CAMTA1: variants seen among roughly 807,000 people sequenced by gnomAD.
CAMTA1 encodes calmodulin binding transcription activator 1, also known as calmodulin-binding transcription activator 1.
In CAMTA1, 27 loss-of-function variants were observed where a neutral mutation model predicts 170.9. The ratio of observed to expected loss-of-function variants is 0.16; its 90% confidence interval spans 0.12 to 0.22. CAMTA1 has a LOEUF of 0.22. Among genes scored for constraint, CAMTA1 ranks in the 10% least tolerant of loss-of-function variants. The probability of loss-of-function intolerance (pLI) is 1.00; values close to 1 mark genes in which losing one functional copy is unlikely to be tolerated. For synonymous variants in CAMTA1, 833 were observed against 891.5 expected, an observed-to-expected ratio of 0.93 and a Z score of 1.17; for missense variants, 1,619 against 2,217.2, an observed-to-expected ratio of 0.73 and a Z score of 5.42.
At position 7,044,702 on chromosome 1, in the gene CAMTA1, CGAG is replaced by C. The variant is rs146173818; in HGVS notation, c.235-46597_235-46595del. Among the ~76,000 whole-genome samples the C allele has an allele frequency of 0.14, 21,275 of 151,912 alleles. 2,009 individuals carry two copies. Among genetic ancestry groups the C allele is most frequent in the African/African-American group, 0.27 (11,239 of 41,352 alleles). ...TCCCTCCCCTCTCTGGGCGACCTTC[CGAG>C]GAGGCATCAGCTCTTCCCTTGCTTT... On this transcript the variant is annotated intron_variant, in intron 3 of 22. Coordinates refer to ENST00000303635, the MANE Select transcript of CAMTA1 (RefSeq NM_015215.4). The surrounding 1 kb of genome is among the most constrained non-coding windows in gnomAD (Gnocchi z 5.0).
rs903631717 is a variant in CAMTA1 at position 7,293,085 on chromosome 1, G to C, written c.438+43459G>C. Among the ~76,000 whole-genome samples, 2 of 152,200 alleles carry C rather than the reference G, an allele frequency of 1.3e-5. 1 individual carries two copies. Among genetic ancestry groups the C allele is most frequent in the African/African-American group, 4.8e-5 (2 of 41,454 alleles). ...CCCTGCTGGGTCACTGGAGCTTCCA[G>C]AGCCCAGGCTTCGTTGCTTTTCTGC... On this transcript the variant is annotated intron_variant, in intron 5 of 22. Coordinates refer to ENST00000303635, the MANE Select transcript of CAMTA1 (RefSeq NM_015215.4). This position sits in a 1 kb window ranked among gnomAD's most constrained non-coding sequence, Gnocchi z 4.1.
chr1:7,201,064 C>T (rs934205246), intron 4 of CAMTA1, among the ~76,000 whole-genome samples: 11 of 152,174 alleles, frequency 7.2e-5, no homozygotes, highest in African/African-American at 2.4e-4. Context: ...CCACACTCCC[C>T]ACCGCCAGCC....
chr1:7,075,814 C>T (rs1357383511), intron 3 of CAMTA1, among the ~76,000 whole-genome samples: 1 of 152,088 alleles, frequency 6.6e-6, no homozygotes, highest in Non-Finnish European at 1.5e-5. Context: ...AGGTGTGTGC[C>T]ACCACGCCCG....
chr1:6,944,107 GA>G (rs1181534775), intron 3 of CAMTA1, among the ~76,000 whole-genome samples: 1 of 152,114 alleles, frequency 6.6e-6, no homozygotes, highest in African/African-American at 2.4e-5. Flanking sequence ...AGCCTCAAAT[GA>G]GGGAACCATA....
rs559208363 is a variant in CAMTA1, at chr1:7,528,558, G to A, written c.510+60657G>A. Among the ~76,000 whole-genome samples, 100 of 152,218 alleles carry A rather than the reference G, an allele frequency of 6.6e-4. 1 individual carries two copies. The highest frequency in any genetic ancestry group is 2.3e-3 in the African/African-American group (95 of 41,530). On this transcript the variant is annotated intron_variant, in intron 6 of 22. Transcript: ENST00000303635. ...GTCAGGCTGGTATCTGACTTTTGCT[G>A]TCAGCGTCTGCATTGGTCTCGGGGA...
rs1197087060 is a variant in CAMTA1, at chr1:6,895,366, C to G, written c.234+70156C>G. The stretch of plus-strand genomic sequence containing the variant: ...AAAATACATCCATCTTTGCACATCT[C>G]TGCTAGTACCACCCTAGTCCAAGCC... On this transcript the variant is annotated intron_variant, in intron 3 of 22. Coordinates refer to ENST00000303635, the MANE Select transcript of CAMTA1 (RefSeq NM_015215.4). 3.3e-5 allele frequency among the ~76,000 whole-genome samples: 5 copies of G among 152,238 alleles called. No individual in the cohort carries two copies. The South Asian group carries it at 1.0e-3, about 31-fold the overall frequency.
intron 4 of CAMTA1, among the ~76,000 whole-genome samples, chr1:7,106,578 G>A (rs1340068622): frequency 6.6e-6 from 1 of 151,906 alleles, no homozygotes; most frequent in Non-Finnish European, 1.5e-5. Context: ...TTTCAACTTC[G>A]GTGTCTTTCT....
chr1:7,433,798 C>G (rs988018955), intron 5 of CAMTA1, among the ~76,000 whole-genome samples: 1 of 152,094 alleles, frequency 6.6e-6, no homozygotes, highest in Non-Finnish European at 1.5e-5. Flanking sequence ...AGGAAGGGCC[C>G]TTGTGATGGA....
intron 5 of CAMTA1, among the ~76,000 whole-genome samples, chr1:7,436,048 A>C (rs74718116): frequency 0.035 from 5,273 of 152,220 alleles, 298 homozygotes; most frequent in African/African-American, 0.12. Flanking sequence ...GCTTTCTTAG[A>C]ACATTATTTA....
Position 7,455,165 on chromosome 1 carries a change from G to A in CAMTA1, c.439-12665G>A, listed in dbSNP as rs539477854. Among the ~76,000 whole-genome samples, 8 of 152,292 alleles carry A rather than the reference G, an allele frequency of 5.3e-5. No homozygotes were observed. Among genetic ancestry groups the A allele is most frequent in the Non-Finnish European group, 1.0e-4 (7 of 68,038 alleles). On this transcript the variant is annotated intron_variant, in intron 5 of 22. Transcript: ENST00000303635. The surrounding 1 kb of genome is among the most constrained non-coding windows in gnomAD (Gnocchi z 5.0). ...CTGCTGTGCAGACCCTGCTAAGTCT[G>A]TTCCAGGACAAGACATGCTGCCCAT...
chr1:7,645,507 C>T (rs895375561), intron 7 of CAMTA1, among the ~76,000 whole-genome samples: 3 of 152,260 alleles, frequency 2.0e-5, no homozygotes, highest in African/African-American at 7.2e-5. Context: ...CAGCCCTTCC[C>T]GTGTGGTGAT....
At position 7,549,586 on chromosome 1, in the gene CAMTA1, G is replaced by C. The variant is rs2094770962; in HGVS notation, c.510+81685G>C. 3.3e-5 allele frequency among the ~76,000 whole-genome samples: 5 copies of C among 152,234 alleles called. No individual in the cohort carries two copies. The South Asian group carries it at 1.0e-3, about 32-fold the overall frequency. ...TTAGATAAAATGCAGTTGTGGACTG[G>C]CCCAGCTTTAGTTTAAATCTTTTCA... On this transcript the variant is annotated intron_variant, in intron 6 of 22. Transcript: ENST00000303635.
intron 6 of CAMTA1, among the ~76,000 whole-genome samples, chr1:7,619,608 GC>G (rs771994950): frequency 6.6e-6 from 1 of 151,904 alleles, no homozygotes; most frequent in Non-Finnish European, 1.5e-5. Flanking sequence ...ACTCGCCACT[GC>G]CCCCTGCCAA....
At chr1:7,687,555 C>A (rs1303809214) in intron 11 of CAMTA1, among the ~76,000 whole-genome samples, 1 of 152,186 alleles carries the variant, frequency 6.6e-6, no homozygotes, top group East Asian at 1.9e-4. Flanking sequence ...CTCCTGGACT[C>A]TTGCCTGGCC....
At chr1:7,355,956 C>T (rs1414362814) in intron 5 of CAMTA1, among the ~76,000 whole-genome samples, 2 of 152,256 alleles carry the variant, frequency 1.3e-5, no homozygotes, top group Admixed American at 6.5e-5. Context: ...AATGTCCCTT[C>T]TTTGCTCTCA....
chr1:6,878,221 A>G (rs1670482229), intron 3 of CAMTA1, among the ~76,000 whole-genome samples: 1 of 152,208 alleles, frequency 6.6e-6, no homozygotes, highest in South Asian at 2.1e-4. Context: ...ACTAACCATA[A>G]TCTAATTTTG....
chr1:7,335,541 G>A (rs1012026198), intron 5 of CAMTA1, among the ~76,000 whole-genome samples: 1 of 152,116 alleles, frequency 6.6e-6, no homozygotes, highest in African/African-American at 2.4e-5. Flanking sequence ...AGGCTTCCCA[G>A]TGCTTTGGAT....
In CAMTA1 at chr1:7,547,361, CACACA is replaced by C. The variant is rs2094709575; in HGVS notation, c.510+79461_510+79465del. On this transcript the variant is annotated intron_variant, in intron 6 of 22. Coordinates refer to ENST00000303635, the MANE Select transcript of CAMTA1 (RefSeq NM_015215.4). This position sits in a 1 kb window ranked among gnomAD's most constrained non-coding sequence, Gnocchi z 5.7. ...TATGTATCATATGCACACACACACA[CACACA>C]CACACACACACACACACACACACAG... Among the ~76,000 whole-genome samples, 1 of 149,154 alleles carries C rather than the reference CACACA, an allele frequency of 6.7e-6. No individual in the cohort carries two copies. The highest frequency in any genetic ancestry group is 6.6e-5 in the Admixed American group (1 of 15,116).
intron 4 of CAMTA1, among the ~76,000 whole-genome samples, chr1:7,163,965 G>T (rs1478261418): frequency 6.6e-6 from 1 of 152,192 alleles, no homozygotes; most frequent in African/African-American, 2.4e-5. Flanking sequence ...TGCTGTAGCT[G>T]CAGTTTCTAG....
Sources: gnomAD v4.1 joint callset for allele counts (sites outside exome capture counted in the v4.1 genomes callset) on GRCh38, gnomAD v4.1.1 for gene constraint, Gnocchi (gnomAD v3.1) non-coding constraint, MANE v1.5 for transcripts, NCBI Gene and HGNC (gene_info 2026-07-23, HGNC 2026-07-21) for gene names.